Variants in RAB1A observed in about 807,000 individuals in gnomAD.
RAB1A encodes ras-related protein Rab-1A.
RAB1A carries 2 observed loss-of-function variants against 26.0 expected under a neutral mutation model. That is an observed-to-expected ratio of 0.08 (90% CI 0.03 to 0.24). The LOEUF (loss-of-function observed/expected upper bound fraction) is 0.24, where lower values mean the gene tolerates loss of function less well. RAB1A is among the 10% of genes least tolerant of loss of function. The pLI, the probability that RAB1A is intolerant of heterozygous loss-of-function variation, is 1.00. For synonymous variants in RAB1A, 84 were observed against 84.9 expected (o/e 0.99, Z 0.06); for missense variants, 100 against 247.0 (o/e 0.40, Z 3.99).
At chr2:65,103,416 G>A (rs1163035517) in intron 2 of RAB1A, among the ~76,000 whole-genome samples, 3 of 151,814 alleles carry the variant, frequency 2.0e-5, no homozygotes, top group Non-Finnish European at 4.4e-5. Context: ...GTTTTGTCAA[G>A]GACAATCTTC....
At chr2:65,124,332 C>T (rs1426154141) in intron 1 of RAB1A, among the ~76,000 whole-genome samples, 1 of 152,134 alleles carries the variant, frequency 6.6e-6, no homozygotes, top group Non-Finnish European at 1.5e-5. Flanking sequence ...TGGTGGCCCA[C>T]CCAGTGCTTT....
intron 1 of RAB1A, among the ~76,000 whole-genome samples, chr2:65,114,838 C>T (rs1258991166): frequency 1.4e-5 from 2 of 141,138 alleles, no homozygotes; most frequent in Non-Finnish European, 3.0e-5. Context: ...GGCAACAGAG[C>T]GAGACTCCGT....
chr2:65,088,562 A>G lies in RAB1A; in HGVS notation c.549T>C (p.Gly183=), dbSNP rs1669092823. 1 of 1,613,712 alleles carries G rather than the reference A, an allele frequency of 6.2e-7. No homozygotes were observed. The highest frequency in any genetic ancestry group is 8.5e-7 in the Non-Finnish European group (1 of 1,179,810). The stretch of plus-strand genomic sequence containing the variant: ...TTTTAACATTGGACTTCTCAGCACC[A>G]CCAGCTGTTGCTCCGGGACCCATTC... The part of the protein sequence containing the change: ...KKRMGPGATA[G]GAEKSNVKIQ... The change falls in exon 6 of 6, where the codon GGT becomes GGC. Residue 183 remains glycine (G), a synonymous_variant. Transcript: ENST00000409784.
At chr2:65,116,167 ATAAAT>A (rs1318277894) in intron 1 of RAB1A, among the ~76,000 whole-genome samples, 2 of 152,156 alleles carry the variant, frequency 1.3e-5, no homozygotes, top group Admixed American at 6.6e-5. Flanking sequence ...AAAAAAATAA[ATAAAT>A]TAAATAAAAT....
intron 3 of RAB1A, among the ~76,000 whole-genome samples, chr2:65,091,794 G>C (rs1669178095): frequency 6.6e-6 from 1 of 152,144 alleles, no homozygotes; most frequent in African/African-American, 2.4e-5. Context: ...CAAAGTGCTG[G>C]CATTACTGGC....
chr2:65,130,016 C>T lies in RAB1A; in HGVS notation c.-101G>A, dbSNP rs1670202348. On this transcript the variant is annotated 5_prime_UTR_variant, in exon 1 of 6. Transcript: ENST00000409784. ...AATCGAAAGAAAGGAATGAGATAGG[C>T]TGTTCCGGGAGAGCAAACGTCTTCC... 1.5e-6 allele frequency: 2 copies of T among 1,334,252 alleles called. No homozygotes were observed. Among genetic ancestry groups the T allele is most frequent in the Non-Finnish European group, 2.1e-6 (2 of 952,246 alleles). 82.7% of individuals were successfully genotyped at this position (1,334,252 alleles called of 1,614,324 possible).
chr2:65,101,581 C>G (rs950238849), intron 2 of RAB1A, among the ~76,000 whole-genome samples: 11 of 152,168 alleles, frequency 7.2e-5, no homozygotes, highest in African/African-American at 2.6e-4. Context: ...CAGCTAGATT[C>G]TTCCCACCTA....
At chr2:65,097,373 G>A (rs1273031345) in intron 3 of RAB1A, among the ~76,000 whole-genome samples, 1 of 152,178 alleles carries the variant, frequency 6.6e-6, no homozygotes, top group Admixed American at 6.5e-5. Context: ...ACAAAATATT[G>A]AAGACAGAGC....
At chr2:65,122,974 CAAAAAAA>C (rs751246247) in intron 1 of RAB1A, among the ~76,000 whole-genome samples, 27 of 34,622 alleles carry the variant, frequency 7.8e-4, no homozygotes, top group African/African-American at 3.4e-3. Flanking sequence ...CCGTCTCAGA[CAAAAAAA>C]AAAAAAAAAA....
chr2:65,117,848 G>A (rs1669860800), intron 1 of RAB1A, among the ~76,000 whole-genome samples: 1 of 152,000 alleles, frequency 6.6e-6, no homozygotes, highest in Admixed American at 6.6e-5. Context: ...TGAGATTACA[G>A]GAGTGAGCCA....
At chr2:65,092,790 AATCTC>A (rs1163141247) in intron 3 of RAB1A, among the ~76,000 whole-genome samples, 1 of 152,154 alleles carries the variant, frequency 6.6e-6, no homozygotes, top group Non-Finnish European at 1.5e-5. Context: ...TCCCCACCCA[AATCTC>A]ATCTCAAGTT....
rs61748093 is a variant in RAB1A at position 65,104,776 on chromosome 2, G to A, written c.54C>T (p.Gly18=). 56 of 1,605,818 alleles carry A rather than the reference G, an allele frequency of 3.5e-5. No individual in the cohort carries two copies. The highest frequency in any genetic ancestry group is 6.6e-5 in the South Asian group (6 of 90,234). Residue 18 remains glycine (G), a synonymous_variant, in exon 2 of 6, where the codon GGC becomes GGT. Transcript: ENST00000409784. The stretch of plus-strand genomic sequence containing the variant: ...GGCAAGACTTTCCAACCCCTGAGTC[G>A]CCAATCAGAAGTAACTTGAATAAAT... The part of the protein sequence containing the change: ...YDYLFKLLLI[G]DSGVGKSCLL...
intron 3 of RAB1A, among the ~76,000 whole-genome samples, chr2:65,093,892 G>T (rs1167400338): frequency 6.6e-6 from 1 of 151,960 alleles, no homozygotes; most frequent in Non-Finnish European, 1.5e-5. Flanking sequence ...AAAGTGCTGG[G>T]ATTACAGGCG....
intron 4 of RAB1A, 111 bp downstream of exon 4, chr2:65,090,872 C>A: frequency 1.7e-6 from 1 of 576,768 alleles, no homozygotes; most frequent in Non-Finnish European, 2.8e-6. Flanking sequence ...AAGTTTTCTG[C>A]CATAAAATTA....
chr2:65,118,597 C>G (rs12465024), intron 1 of RAB1A, among the ~76,000 whole-genome samples: 87,022 of 151,898 alleles, frequency 0.57, 26,297 homozygotes, highest in East Asian at 0.66. Flanking sequence ...CCTGCCTCAG[C>G]CTCCCAAGTA....
chr2:65,114,087 G>C (rs17029860), intron 1 of RAB1A: 7,341 of 427,534 alleles, frequency 0.017, 471 homozygotes, highest in African/African-American at 0.14. Context: ...GTTGTAAACA[G>C]ACAGCAATGG....
At chr2:65,119,044 A>G (rs1320308148) in intron 1 of RAB1A, among the ~76,000 whole-genome samples, 1 of 151,662 alleles carries the variant, frequency 6.6e-6, no homozygotes, top group African/African-American at 2.4e-5. Context: ...AGAAAAAAGA[A>G]AAAAAATACA....
intron 1 of RAB1A, among the ~76,000 whole-genome samples, chr2:65,117,712 G>A (rs1287830796): frequency 3.4e-5 from 5 of 148,646 alleles, no homozygotes; most frequent in Non-Finnish European, 5.9e-5. Flanking sequence ...GACCACAGGC[G>A]CGTGCCACCA....
Position 65,088,349 on chromosome 2 carries a change from G to T in RAB1A, c.*144C>A. 2 of 663,170 alleles carry T rather than the reference G, an allele frequency of 3.0e-6. No individual in the cohort carries two copies. Among genetic ancestry groups the T allele is most frequent in the Non-Finnish European group, 4.9e-6 (2 of 408,410 alleles). The allele number at this position is 663,170 out of a possible 1,614,324, so 41.1% of individuals were successfully genotyped here. On this transcript the variant is annotated 3_prime_UTR_variant, in exon 6 of 6. Coordinates refer to ENST00000409784, the MANE Select transcript of RAB1A (RefSeq NM_004161.5). ...AGGGAATAAAAAAAAAGTCAGTATT[G>T]ACCATTTACAATCTCTGACCTTTGT...
Sources: gnomAD v4.1 joint callset for allele counts (sites outside exome capture counted in the v4.1 genomes callset) on GRCh38, gnomAD v4.1.1 for gene constraint, MANE v1.5 for transcripts, NCBI Gene and HGNC (gene_info 2026-07-23, HGNC 2026-07-21) for gene names.